Variants in TTC7B observed in about 807,000 individuals in gnomAD.
The protein encoded by TTC7B is tetratricopeptide repeat protein 7B.
Under a neutral mutation model 106.8 loss-of-function variants are expected in TTC7B, and 28 were observed. The ratio of observed to expected loss-of-function variants is 0.26; its 90% CI spans 0.19 to 0.36. TTC7B has a LOEUF of 0.36. Ranked by LOEUF, TTC7B falls within the 10% of genes least tolerant of loss-of-function variation. The pLI is 1.00. For synonymous variants in TTC7B, 405 were observed against 430.6 expected, an observed-to-expected ratio of 0.94 and a Z score of 0.74; for missense variants, 862 against 1,076.4, an observed-to-expected ratio of 0.80 and a Z score of 2.79.
intron 5 of TTC7B, among the ~76,000 whole-genome samples, chr14:90,707,152 T>C (rs1170852571): frequency 6.6e-6 from 1 of 152,192 alleles, no homozygotes; most frequent in Non-Finnish European, 1.5e-5. Context: ...TATGAGAAGT[T>C]TCAGAATAAT....
intron 19 of TTC7B, among the ~76,000 whole-genome samples, chr14:90,576,145 C>T (rs1455729811): frequency 1.9e-4 from 29 of 152,146 alleles, no homozygotes; most frequent in Admixed American, 1.9e-3. Context: ...CTCATGTGTT[C>T]CCCTTGGGGA....
chr14:90,810,008 C>T lies in TTC7B; in HGVS notation c.121+6167G>A, dbSNP rs79429451. Among the ~76,000 whole-genome samples, 892 of 152,304 alleles carry T rather than the reference C, an allele frequency of 5.9e-3. 5 individuals are homozygous for T. The highest frequency in any genetic ancestry group is 0.021 in the African/African-American group (853 of 41,550). On this transcript the variant is annotated intron_variant, in intron 1 of 19. Coordinates refer to ENST00000328459, the MANE Select transcript of TTC7B (RefSeq NM_001010854.2). ...CCTTACAACCTCCCTATAAGTTTGG[C>T]ACTATTATTACAGGTTCATAATACC...
At chr14:90,815,682 T>C (rs1244689229) in intron 1 of TTC7B, among the ~76,000 whole-genome samples, 1 of 151,602 alleles carries the variant, frequency 6.6e-6, no homozygotes, top group East Asian at 1.9e-4. Flanking sequence ...TTAAACACCA[T>C]ATGTTTACAA....
chr14:90,567,246 T>C (rs1379054593), intron 19 of TTC7B, among the ~76,000 whole-genome samples: 1 of 152,202 alleles, frequency 6.6e-6, no homozygotes, highest in Non-Finnish European at 1.5e-5. Flanking sequence ...ACCTGGAAAC[T>C]TCTCTGTATC....
intron 15 of TTC7B, among the ~76,000 whole-genome samples, chr14:90,635,255 C>T (rs528707106): frequency 1.3e-5 from 2 of 152,028 alleles, no homozygotes; most frequent in Non-Finnish European, 2.9e-5. Flanking sequence ...GAGAATGTTT[C>T]TTTTCCATAT....
chr14:90,557,445 C>T (rs1190584433), intron 19 of TTC7B, among the ~76,000 whole-genome samples: 1 of 152,232 alleles, frequency 6.6e-6, no homozygotes, highest in African/African-American at 2.4e-5. Context: ...GTTTGATCTC[C>T]AGCTGAAAAT....
chr14:90,604,860 C>T (rs1051482817), intron 17 of TTC7B, among the ~76,000 whole-genome samples: 33 of 152,154 alleles, frequency 2.2e-4, no homozygotes, highest in African/African-American at 4.3e-4. Flanking sequence ...TCAAAATTTC[C>T]GTGTTATTTA....
intron 3 of TTC7B, among the ~76,000 whole-genome samples, chr14:90,746,656 G>A (rs1475282043): frequency 6.6e-6 from 1 of 152,060 alleles, no homozygotes; most frequent in African/African-American, 2.4e-5. Flanking sequence ...CTAGTTTCTT[G>A]AGGTGGAAAT....
intron 6 of TTC7B, among the ~76,000 whole-genome samples, chr14:90,692,729 G>A (rs149314718): frequency 1.0e-3 from 152 of 152,336 alleles, no homozygotes; most frequent in African/African-American, 3.5e-3. Flanking sequence ...TATGAATACT[G>A]AGAAGAGGTA....
intron 3 of TTC7B, among the ~76,000 whole-genome samples, chr14:90,760,803 CG>C (rs1890474711): frequency 6.6e-6 from 1 of 152,208 alleles, no homozygotes; most frequent in Non-Finnish European, 1.5e-5. Flanking sequence ...TGCACCTATA[CG>C]CAGACCTATT....
At chr14:90,736,150 C>CTATA (rs36062485) in intron 4 of TTC7B, among the ~76,000 whole-genome samples, 6,331 of 146,628 alleles carry the variant, frequency 0.043, 151 homozygotes, top group Non-Finnish European at 0.056. Context: ...TAATTTAGAG[C>CTATA]TATATATATA....
At chr14:90,659,275 A>G (rs1886088662) in intron 9 of TTC7B, among the ~76,000 whole-genome samples, 1 of 148,474 alleles carries the variant, frequency 6.7e-6, no homozygotes, top group Admixed American at 6.8e-5. Context: ...TGTTTGAGAG[A>G]GAGGGAGAGA....
At chr14:90,771,697 A>G (rs926975264) in intron 3 of TTC7B, among the ~76,000 whole-genome samples, 1 of 152,086 alleles carries the variant, frequency 6.6e-6, no homozygotes, top group African/African-American at 2.4e-5. Flanking sequence ...TTGTACACAC[A>G]TACACACACA....
intron 3 of TTC7B, among the ~76,000 whole-genome samples, chr14:90,755,818 G>A (rs530809343): frequency 1.3e-5 from 2 of 152,332 alleles, no homozygotes; most frequent in Admixed American, 6.5e-5. Flanking sequence ...TCAAGCGAAT[G>A]AGCAAAATAG....
chr14:90,731,147 T>A (rs193251535), intron 4 of TTC7B, among the ~76,000 whole-genome samples: 178 of 152,136 alleles, frequency 1.2e-3, no homozygotes, highest in Admixed American at 4.1e-3. Context: ...AGACGGGGGT[T>A]TCACCACGTT....
At chr14:90,775,392 G>T (rs1385425996) in intron 3 of TTC7B, among the ~76,000 whole-genome samples, 1 of 152,094 alleles carries the variant, frequency 6.6e-6, no homozygotes, top group Non-Finnish European at 1.5e-5. Context: ...GACCCAGTGG[G>T]GTGAAAATAA....
rs1382135579 is a variant in TTC7B at position 90,794,456 on chromosome 14, C to T, written c.122-8128G>A. 3.3e-5 allele frequency among the ~76,000 whole-genome samples: 5 copies of T among 151,946 alleles called. No homozygotes were observed. The East Asian group carries it at 9.7e-4, about 30-fold the overall frequency. ...TTGGCCAGGATGGTCTCAATCTCTT[C>T]ACCTCGTGATCCACCTGTCTCGGCC... On this transcript the variant is annotated intron_variant, in intron 1 of 19. Transcript: ENST00000328459.
rs530929556 is a variant in TTC7B at position 90,540,630 on chromosome 14, T to G, written c.*738A>C. On this transcript the variant is annotated 3_prime_UTR_variant, in exon 20 of 20. Transcript: ENST00000328459. ...TTATTATTAACATCATCTTCCCATG[T>G]AGCCAAGTGTCTGTCATGTATAAGG... 1.9e-5 allele frequency: 3 copies of G among 153,900 alleles called. No homozygotes were observed. In the South Asian group the frequency reaches 6.2e-4, roughly 32 times the overall value. The allele number at this position is 153,900 out of a possible 1,614,324, so 9.5% of individuals were successfully genotyped here.
At chr14:90,714,053 C>T (rs538607036) in intron 5 of TTC7B, among the ~76,000 whole-genome samples, 1 of 152,212 alleles carries the variant, frequency 6.6e-6, no homozygotes, top group Non-Finnish European at 1.5e-5. Flanking sequence ...CATGGAGAAA[C>T]TTTGTCTCTA....
Sources: gnomAD v4.1 joint callset for allele counts (sites outside exome capture counted in the v4.1 genomes callset) on GRCh38, gnomAD v4.1.1 for gene constraint, MANE v1.5 for transcripts, NCBI Gene and HGNC (gene_info 2026-07-23, HGNC 2026-07-21) for gene names.